EXOC6B: variants seen among roughly 807,000 people sequenced by gnomAD.
The protein encoded by EXOC6B is SEC15 homolog B.
EXOC6B carries 54 observed loss-of-function variants against 113.5 expected under a neutral mutation model. The observed-to-expected ratio is 0.48, with a 90% CI of 0.38 to 0.60. The LOEUF is 0.60. Among genes scored for constraint, EXOC6B ranks in the 20% least tolerant of loss-of-function variants. The pLI, the probability that EXOC6B is intolerant of heterozygous loss-of-function variation, is 0.00. For missense variants in EXOC6B, 797 were observed against 977.5 expected (o/e 0.82, Z 2.46); for synonymous variants, 357 against 339.0 (o/e 1.05, Z -0.58).
chr2:72,627,218 T>C (rs1037254183), intron 6 of EXOC6B, among the ~76,000 whole-genome samples: 19 of 152,330 alleles, frequency 1.2e-4, no homozygotes, highest in South Asian at 6.2e-4. Context: ...CTATTCTGCA[T>C]GCAAAATTTT....
rs1310477107 is a variant in EXOC6B, at chr2:72,575,492, C to T, written c.846G>A (p.Glu282=). ...CTTCCCAACATCAAATGTTACTTAC[C>T]TCTTCATCATCTTCCTCGTCTTCAA... ...LDVEDEEDDE[E]VPGAQDLVDF... Residue 282 remains glutamate, a splice_region_variant and synonymous_variant, in exon 7 of 22, where the codon GAG becomes GAA. Coordinates refer to ENST00000272427, the MANE Select transcript of EXOC6B (RefSeq NM_015189.3). The T allele has an allele frequency of 6.2e-7, 1 of 1,602,408 alleles. No individual in the cohort carries two copies. The highest frequency in any genetic ancestry group is 1.3e-5 in the African/African-American group (1 of 74,138).
At chr2:72,821,524 G>T (rs1686581601) in intron 1 of EXOC6B, among the ~76,000 whole-genome samples, 1 of 151,964 alleles carries the variant, frequency 6.6e-6, no homozygotes, top group South Asian at 2.1e-4. Flanking sequence ...GTATACAAAT[G>T]GCCATGGCAG....
intron 1 of EXOC6B, among the ~76,000 whole-genome samples, chr2:72,763,330 T>A (rs549833724): frequency 6.6e-6 from 1 of 152,284 alleles, no homozygotes; most frequent in East Asian, 1.9e-4. Context: ...ACCTTGGTGT[T>A]GTTTTGCTGT....
intron 8 of EXOC6B, among the ~76,000 whole-genome samples, chr2:72,558,146 G>C (rs1426567172): frequency 1.3e-5 from 2 of 151,968 alleles, no homozygotes; most frequent in East Asian, 3.9e-4. Context: ...TTAAACCTGT[G>C]AGACATACTT....
chr2:72,446,027 G>A (rs1039721547), intron 18 of EXOC6B, among the ~76,000 whole-genome samples: 6 of 152,250 alleles, frequency 3.9e-5, no homozygotes, highest in African/African-American at 1.4e-4. Context: ...GAAAGGGAAC[G>A]CTTATACACT....
rs369498012 is a variant in EXOC6B at position 72,179,364 on chromosome 2, G to A, written c.2407C>T (p.Arg803Ter). 2.5e-6 allele frequency: 4 copies of A among 1,612,512 alleles called. No individual in the cohort carries two copies. The highest frequency in any genetic ancestry group is 2.7e-5 in the African/African-American group (2 of 74,858). ...KLIDTVAKQL[R>*]GLISSHHS ...GAGTGGTGGCTGCTGATGAGTCCTC[G>A]GAGCTGCTTGGCCACGGTGTCAATG... Residue 803 changes from arginine to a stop codon, truncating the protein, a stop_gained, in exon 22 of 22, where the codon CGA becomes TGA. Transcript: ENST00000272427. LOFTEE classifies it high-confidence loss of function.
intron 20 of EXOC6B, among the ~76,000 whole-genome samples, chr2:72,254,145 G>A (rs1201873699): frequency 6.6e-6 from 1 of 151,826 alleles, no homozygotes; most frequent in Non-Finnish European, 1.5e-5. Flanking sequence ...GGGCGACAAA[G>A]CAAGACTCTG....
In EXOC6B at chr2:72,177,042, T is replaced by A. The variant is rs1677775278; in HGVS notation, c.*2293A>T. The A allele has an allele frequency of 6.6e-6, 1 of 152,152 alleles. No individual in the cohort carries two copies. Among genetic ancestry groups the A allele is most frequent in the Admixed American group, 6.5e-5 (1 of 15,278 alleles). The allele number at this position is 152,152 out of a possible 1,614,324, so 9.4% of individuals were successfully genotyped here. ...CCTTCCCTGGCCCACCAAGAGTATG[T>A]CTCTACATACAACTCAGTAGCTGCA... On this transcript the variant is annotated 3_prime_UTR_variant, in exon 22 of 22. Coordinates refer to ENST00000272427, the MANE Select transcript of EXOC6B (RefSeq NM_015189.3).
chr2:72,573,998 C>A (rs1704672470), intron 7 of EXOC6B, among the ~76,000 whole-genome samples: 1 of 151,774 alleles, frequency 6.6e-6, no homozygotes. Flanking sequence ...CGCCTGTAGT[C>A]CCAGTTTCTG....
chr2:72,280,509 C>T (rs1685067192), intron 20 of EXOC6B, among the ~76,000 whole-genome samples: 1 of 152,192 alleles, frequency 6.6e-6, no homozygotes, highest in South Asian at 2.1e-4. Flanking sequence ...TTAATCTAGC[C>T]ATGCTTAGGA....
At chr2:72,370,687 A>C (rs541776613) in intron 19 of EXOC6B, among the ~76,000 whole-genome samples, 1,923 of 152,304 alleles carry the variant, frequency 0.013, 19 homozygotes, top group Non-Finnish European at 0.017. Context: ...CAGCCATAAA[A>C]TATGATGAGT....
At chr2:72,223,041 T>C (rs1359113500) in intron 20 of EXOC6B, among the ~76,000 whole-genome samples, 2 of 152,180 alleles carry the variant, frequency 1.3e-5, no homozygotes, top group Admixed American at 6.5e-5. Context: ...TCTCTAAGAT[T>C]CATCTTCTCT....
At position 72,731,260 on chromosome 2, in the gene EXOC6B, A is replaced by G. The variant is rs1680629956; in HGVS notation, c.328-15T>C. 1 of 1,595,012 alleles carries G rather than the reference A, an allele frequency of 6.3e-7. No homozygotes were observed. ...GCTATTACCAGCTTGGCAAGAGGGA[A>G]AAAGACTGAATTATGCCTATGGCTG... On this transcript the variant is annotated splice_polypyrimidine_tract_variant and intron_variant, in intron 3 of 21. Transcript: ENST00000272427.
At chr2:72,625,147 G>A (rs1189126932) in intron 6 of EXOC6B, among the ~76,000 whole-genome samples, 1 of 151,196 alleles carries the variant, frequency 6.6e-6, no homozygotes, top group African/African-American at 2.4e-5. Context: ...GTCTCCTAGC[G>A]TCAGGTAATC....
intron 8 of EXOC6B, among the ~76,000 whole-genome samples, chr2:72,517,384 C>A (rs1484975060): frequency 6.6e-6 from 1 of 152,100 alleles, no homozygotes; most frequent in Non-Finnish European, 1.5e-5. Flanking sequence ...TTGTTGAACC[C>A]TGGTGTAGCT....
chr2:72,272,018 A>T (rs1292571736), intron 20 of EXOC6B, among the ~76,000 whole-genome samples: 2 of 152,086 alleles, frequency 1.3e-5, no homozygotes, highest in Non-Finnish European at 2.9e-5. Context: ...GTACCTCAAT[A>T]GCATTATCAC....
At chr2:72,425,609 T>G (rs1240246213) in intron 18 of EXOC6B, among the ~76,000 whole-genome samples, 2 of 152,208 alleles carry the variant, frequency 1.3e-5, no homozygotes, top group Non-Finnish European at 1.5e-5. Context: ...TCTGAACTTT[T>G]TGTCTCAGTT....
intron 6 of EXOC6B, among the ~76,000 whole-genome samples, chr2:72,618,751 A>T (rs1671557501): frequency 6.6e-6 from 1 of 152,182 alleles, no homozygotes; most frequent in Non-Finnish European, 1.5e-5. Flanking sequence ...CCATTCCTCT[A>T]CACTCATCCC....
chr2:72,525,071 A>G (rs920127558), intron 8 of EXOC6B, among the ~76,000 whole-genome samples: 45 of 152,200 alleles, frequency 3.0e-4, no homozygotes, highest in African/African-American at 1.1e-3. Context: ...AGCATGAGCC[A>G]TAGGAGAGCA....
Sources: allele counts gnomAD v4.1 joint callset (sites outside exome capture counted in the v4.1 genomes callset), GRCh38; gene constraint gnomAD v4.1.1; transcripts MANE v1.5; gene names NCBI Gene and HGNC (gene_info 2026-07-23, HGNC 2026-07-21).